ARHGAP22: variants seen among roughly 807,000 people sequenced by gnomAD.
The protein encoded by ARHGAP22 is rho GTPase-activating protein 22.
ARHGAP22 carries 48 observed loss-of-function variants against 59.1 expected under a neutral mutation model. The ratio of observed to expected loss-of-function variants is 0.81; its 90% confidence interval spans 0.64 to 1.03. ARHGAP22 has a LOEUF of 1.03. ARHGAP22 is among the 50% of genes least tolerant of loss of function. The pLI, the probability that ARHGAP22 is intolerant of heterozygous loss-of-function variation, is 0.00. For missense variants in ARHGAP22, 1,015 were observed against 958.7 expected (o/e 1.06, Z -0.78); for synonymous variants, 445 against 416.4 (o/e 1.07, Z -0.84).
At chr10:48,500,332 C>G (rs2051375639) in intron 3 of ARHGAP22, among the ~76,000 whole-genome samples, 1 of 127,084 alleles carries the variant, frequency 7.9e-6, no homozygotes, top group Non-Finnish European at 1.6e-5. Context: ...AAGCAAGACT[C>G]TATCTCAAAA....
At chr10:48,641,044 T>A (rs1225025947) in intron 1 of ARHGAP22, among the ~76,000 whole-genome samples, 1 of 152,062 alleles carries the variant, frequency 6.6e-6, no homozygotes, top group Non-Finnish European at 1.5e-5. Context: ...TAATCTGAAG[T>A]AGATTAAGGT....
intron 1 of ARHGAP22, among the ~76,000 whole-genome samples, chr10:48,635,084 A>ACCTG (rs903832699): frequency 6.6e-6 from 1 of 152,018 alleles, no homozygotes; most frequent in African/African-American, 2.4e-5. Context: ...AGACTCATGT[A>ACCTG]CCTGCCCTCC....
At chr10:48,487,546 T>C (rs570906306) in intron 3 of ARHGAP22, among the ~76,000 whole-genome samples, 1 of 152,222 alleles carries the variant, frequency 6.6e-6, no homozygotes, top group African/African-American at 2.4e-5. Flanking sequence ...TGATCTGTCA[T>C]TTTTAGTCTT....
chr10:48,655,256 T>TGGGGG (rs1230624457), upstream of ARHGAP22, among the ~76,000 whole-genome samples: 4 of 9,898 alleles, frequency 4.0e-4, no homozygotes, highest in African/African-American at 3.1e-4. Context: ...TGTGTGTGTG[T>TGGGGG]GGGGGGGGGG....
At chr10:48,445,661 C>A (rs148785006), downstream of ARHGAP22, 450 of 152,618 alleles carry the variant, frequency 2.9e-3, 1 homozygote, top group Non-Finnish European at 4.7e-3. Flanking sequence ...TGTAGAGTGG[C>A]CACACTTGCC....
intron 3 of ARHGAP22, chr10:48,510,531 C>G (rs2052651919): frequency 6.6e-6 from 1 of 152,102 alleles, no homozygotes; most frequent in Admixed American, 6.6e-5. Flanking sequence ...CCAGCTGTCT[C>G]AGAGGTGGCA....
At chr10:48,443,084 G>A (rs1370631015), downstream of ARHGAP22, among the ~76,000 whole-genome samples, 1 of 152,110 alleles carries the variant, frequency 6.6e-6, no homozygotes, top group African/African-American at 2.4e-5. Flanking sequence ...CACAAAAGCT[G>A]GGGGATGCTA....
intron 2 of ARHGAP22, among the ~76,000 whole-genome samples, chr10:48,581,379 C>T (rs937056261): frequency 6.6e-6 from 1 of 152,232 alleles, no homozygotes; most frequent in South Asian, 2.1e-4. Context: ...GGAATAAAGT[C>T]TCTTTCCTCC....
At chr10:48,439,747 C>T in the ARHGAP22 span, among the ~76,000 whole-genome samples, 2 of 152,284 alleles carry the variant, frequency 1.3e-5, no homozygotes, top group Non-Finnish European at 2.9e-5. Flanking sequence ...TGCTTATTTC[C>T]TCTTTGCCTA....
chr10:48,534,371 C>G (rs1417146148), intron 3 of ARHGAP22, among the ~76,000 whole-genome samples: 2 of 152,220 alleles, frequency 1.3e-5, no homozygotes, highest in Admixed American at 6.5e-5. Context: ...CCCACCTGCT[C>G]TTTCCAACTT....
At chr10:48,559,255 G>A (rs1308642106) in intron 2 of ARHGAP22, among the ~76,000 whole-genome samples, 1 of 152,232 alleles carries the variant, frequency 6.6e-6, no homozygotes, top group Non-Finnish European at 1.5e-5. Context: ...TACAGAAAGA[G>A]TGTGCAAACT....
chr10:48,494,638 T>C (rs1389928647), intron 3 of ARHGAP22, among the ~76,000 whole-genome samples: 2 of 152,086 alleles, frequency 1.3e-5, no homozygotes, highest in African/African-American at 2.4e-5. Context: ...CATCCACCCA[T>C]CTATCCATCC....
At position 48,477,033 on chromosome 10, in the gene ARHGAP22, T is replaced by C. The variant is rs149776839; in HGVS notation, c.451+2603A>G. ...TAGAAAAGCACTTAAAGCATAAATA[T>C]GCAGATAAACATGTCATTGTAAAAG... On this transcript the variant is annotated intron_variant, in intron 4 of 9. Coordinates refer to ENST00000249601, the MANE Select transcript of ARHGAP22 (RefSeq NM_021226.4). Among the ~76,000 whole-genome samples the C allele has an allele frequency of 7.0e-3, 1,061 of 152,350 alleles. 12 individuals are homozygous for C. Among genetic ancestry groups the C allele is most frequent in the African/African-American group, 0.024 (1,018 of 41,576 alleles).
In ARHGAP22 at chr10:48,652,586, A is replaced by G. The variant is rs2062609810; in HGVS notation, c.-301T>C. ...TCTGTAAAATGGGAACAATAGTGAC[A>G]ACCACTTCACAGAACAAAGAATTGA... On this transcript the variant is annotated 5_prime_UTR_variant, in exon 1 of 10. Transcript: ENST00000435790. The G allele has an allele frequency of 1.4e-5, 6 of 426,778 alleles. No individual in the cohort carries two copies. In the East Asian group the frequency reaches 2.3e-4, roughly 16 times the overall value. 26.4% of individuals were successfully genotyped at this position (426,778 alleles called of 1,614,324 possible).
intron 1 of ARHGAP22, among the ~76,000 whole-genome samples, chr10:48,633,326 G>C (rs924818575): frequency 1.6e-4 from 24 of 152,196 alleles, no homozygotes; most frequent in African/African-American, 4.8e-4. Flanking sequence ...AAGTAAAACT[G>C]GGAGAAAGCT....
At chr10:48,603,559 T>G (rs1474134830) in intron 1 of ARHGAP22, among the ~76,000 whole-genome samples, 1 of 152,248 alleles carries the variant, frequency 6.6e-6, no homozygotes, top group Non-Finnish European at 1.5e-5. Flanking sequence ...TAGCCACATG[T>G]GGCCAGTGGC....
rs1447399900 is a variant in ARHGAP22, at chr10:48,576,016, C to T, written c.234+6937G>A. On this transcript the variant is annotated intron_variant, in intron 2 of 9. Coordinates refer to ENST00000249601, the MANE Select transcript of ARHGAP22 (RefSeq NM_021226.4). ...AAGCAACCCACAACCTTCACTGACC[C>T]CTATCGCAGCCCACGAAGTGAGGAC... 3.3e-5 allele frequency among the ~76,000 whole-genome samples: 5 copies of T among 152,220 alleles called. No homozygotes were observed. The East Asian group carries it at 5.8e-4, about 18-fold the overall frequency.
intron 2 of ARHGAP22, among the ~76,000 whole-genome samples, chr10:48,576,329 C>T (rs572341473): frequency 6.6e-6 from 1 of 152,352 alleles, no homozygotes; most frequent in South Asian, 2.1e-4. Context: ...GCCTGGCCTC[C>T]CCATTCTCCT....
chr10:48,613,672 TAA>T (rs11314506), intron 1 of ARHGAP22, among the ~76,000 whole-genome samples: 6 of 142,032 alleles, frequency 4.2e-5, no homozygotes, highest in Non-Finnish European at 4.6e-5. Context: ...GAGAAGAATG[TAA>T]AAAAAAAAAA....
Sources: gnomAD v4.1 joint callset for allele counts (sites outside exome capture counted in the v4.1 genomes callset) on GRCh38, gnomAD v4.1.1 for gene constraint, MANE v1.5 for transcripts, NCBI Gene and HGNC (gene_info 2026-07-23, HGNC 2026-07-21) for gene names.